The following SELENOF variants were observed in gnomAD, a reference collection of about 807,000 sequenced individuals.
The protein encoded by SELENOF is 15 kDa selenoprotein.
In SELENOF, 16 loss-of-function variants were observed where a neutral mutation model predicts 20.5. The observed-to-expected ratio is 0.78, with a 90% confidence interval of 0.53 to 1.19. The LOEUF (loss-of-function observed/expected upper bound fraction) is 1.19, where lower values mean the gene tolerates loss of function less well. Ranked by LOEUF, SELENOF falls within the 50% of genes most tolerant of loss-of-function variation. The probability of loss-of-function intolerance (pLI) is 0.00; values close to 1 mark genes in which losing one functional copy is unlikely to be tolerated. For synonymous variants in SELENOF, 78 were observed against 74.5 expected (o/e 1.05, Z -0.24); for missense variants, 215 against 194.2 (o/e 1.11, Z -0.64).
Position 86,864,527 on chromosome 1 carries a change from G to A in SELENOF, c.367-922C>T, listed in dbSNP as rs1389300254. Among the ~76,000 whole-genome samples, 4 of 152,146 alleles carry A rather than the reference G, an allele frequency of 2.6e-5. No individual in the cohort carries two copies. The East Asian group carries it at 7.7e-4, about 29-fold the overall frequency. ...TCCAAAGATGGAGACTAGCTCAGAT[G>A]TGATTATTAACACTTGGTATATTCC... On this transcript the variant is annotated intron_variant, in intron 4 of 4. Transcript: ENST00000331835.
chr1:86,905,140 A>G (rs1557471550), intron 1 of SELENOF, among the ~76,000 whole-genome samples: 1 of 152,000 alleles, frequency 6.6e-6, no homozygotes, highest in Non-Finnish European at 1.5e-5. Flanking sequence ...AGTTGCCCAG[A>G]TCAGTCATCC....
chr1:86,869,018 C>A (rs576289695), intron 3 of SELENOF, among the ~76,000 whole-genome samples: 1 of 152,170 alleles, frequency 6.6e-6, no homozygotes, highest in Admixed American at 6.5e-5. Context: ...TTCAACTTCA[C>A]ATATAATTGA....
intron 2 of SELENOF, among the ~76,000 whole-genome samples, chr1:86,892,050 C>T (rs983400789): frequency 2.0e-5 from 3 of 151,954 alleles, no homozygotes; most frequent in African/African-American, 7.3e-5. Context: ...CCTGCCTCAG[C>T]CTCTGGAGTA....
intron 3 of SELENOF, 134 bp downstream of exon 3, chr1:86,880,528 T>C (rs2390167): frequency 0.019 from 9,740 of 517,494 alleles, 829 homozygotes; most frequent in African/African-American, 0.18. Flanking sequence ...GAAAACAAAT[T>C]GAAAAAAAAG....
At chr1:86,870,592 C>A (rs1233556833) in intron 3 of SELENOF, among the ~76,000 whole-genome samples, 1 of 151,992 alleles carries the variant, frequency 6.6e-6, no homozygotes, top group Non-Finnish European at 1.5e-5. Flanking sequence ...CAGAGCTTAG[C>A]ATACTTAATA....
chr1:86,909,054 G>A (rs1659906129), intron 1 of SELENOF, among the ~76,000 whole-genome samples: 1 of 152,194 alleles, frequency 6.6e-6, no homozygotes, highest in African/African-American at 2.4e-5. Flanking sequence ...CAAAACACGA[G>A]TGCAGTCCCA....
intron 3 of SELENOF, among the ~76,000 whole-genome samples, chr1:86,878,528 A>G (rs1658980086): frequency 6.6e-6 from 1 of 152,224 alleles, no homozygotes; most frequent in Non-Finnish European, 1.5e-5. Context: ...AAAAATAAAA[A>G]TAAATTAGCT....
In SELENOF at chr1:86,903,443, A is replaced by G; in HGVS notation, c.90T>C (p.Ser30=). 6.3e-7 allele frequency: 1 copy of G among 1,598,056 alleles called. No individual in the cohort carries two copies. Among genetic ancestry groups the G allele is most frequent in the Non-Finnish European group, 8.5e-7 (1 of 1,173,722 alleles). Residue 30 remains serine, a synonymous_variant, in exon 2 of 5, where the codon TCT becomes TCC. Coordinates refer to ENST00000331835, the MANE Select transcript of SELENOF (RefSeq NM_004261.5). ...CCGATGAAAACTCTGCCCCAAAAGCAGACACCTGAAAATAAAAAATGGGAA... is the reference window on the plus strand; with the variant it reads ...CCGATGAAAACTCTGCCCCAAAAGCGGACACCTGAAAATAAAAAATGGGAA... ...LLLATVLQAV[S]AFGAEFSSEA... is the part of the protein sequence containing the mutation.
intron 4 of SELENOF, among the ~76,000 whole-genome samples, chr1:86,866,186 G>C (rs1658586288): frequency 9.9e-6 from 1 of 101,368 alleles, no homozygotes; most frequent in Admixed American, 1.5e-4. Flanking sequence ...GACAGAGTAA[G>C]ACCATGTCCA....
intron 3 of SELENOF, among the ~76,000 whole-genome samples, chr1:86,872,684 C>T (rs1658808132): frequency 6.6e-6 from 1 of 151,812 alleles, no homozygotes; most frequent in South Asian, 2.1e-4. Context: ...GCGGGCAGAT[C>T]ACCTGAGGTC....
chr1:86,873,190 G>A (rs1395397562), intron 3 of SELENOF, among the ~76,000 whole-genome samples: 2 of 152,090 alleles, frequency 1.3e-5, no homozygotes, highest in East Asian at 1.9e-4. Flanking sequence ...CTGGGAGGCA[G>A]AGGTTGCAGT....
At position 86,914,082 on chromosome 1, in the gene SELENOF, C is replaced by T. The variant is rs766538682; in HGVS notation, c.30G>A (p.Gly10=). 9 of 1,613,904 alleles carry T rather than the reference C, an allele frequency of 5.6e-6. No homozygotes were observed. In the Admixed American group the frequency reaches 6.7e-5, roughly 12 times the overall value. ...GTAGCCCAAACGCCGGCACCAGACA[C>T]CCACTCGGCCCAGCCGCCATCGCTA... is the stretch of plus-strand genomic sequence containing the variant. MVAMAAGPS[G]CLVPAFGLRL... Residue 10 remains glycine (G), a synonymous_variant, in exon 1 of 5, where the codon GGG becomes GGA. Transcript: ENST00000331835.
intron 2 of SELENOF, among the ~76,000 whole-genome samples, chr1:86,890,714 C>T (rs1484549162): frequency 6.6e-6 from 1 of 151,670 alleles, no homozygotes; most frequent in Non-Finnish European, 1.5e-5. Context: ...CCATTTTGCC[C>T]AGGCTGGTCT....
chr1:86,874,950 T>C (rs1363921345), intron 3 of SELENOF, among the ~76,000 whole-genome samples: 1 of 152,090 alleles, frequency 6.6e-6, no homozygotes, highest in Non-Finnish European at 1.5e-5. Context: ...AAACAGAAAA[T>C]TGGCTGGGCA....
chr1:86,884,884 C>A (rs145199706), intron 2 of SELENOF, among the ~76,000 whole-genome samples: 164 of 152,220 alleles, frequency 1.1e-3, no homozygotes, highest in African/African-American at 3.8e-3. Context: ...AATATGAGAA[C>A]GATACACAAA....
intron 1 of SELENOF, among the ~76,000 whole-genome samples, chr1:86,905,318 T>C (rs182462011): frequency 5.2e-4 from 79 of 152,342 alleles, no homozygotes; most frequent in Non-Finnish European, 8.5e-4. Context: ...GGAATTCCTA[T>C]AGTATCTTGA....
At chr1:86,897,762 C>T (rs1381431894) in intron 2 of SELENOF, among the ~76,000 whole-genome samples, 1 of 152,148 alleles carries the variant, frequency 6.6e-6, no homozygotes, top group East Asian at 1.9e-4. Context: ...TTTTTGAAAG[C>T]CAGTCAGTAG....
chr1:86,885,007 C>T (rs994273894), intron 2 of SELENOF, among the ~76,000 whole-genome samples: 1 of 152,194 alleles, frequency 6.6e-6, no homozygotes, highest in Non-Finnish European at 1.5e-5. Flanking sequence ...CTAACTACCT[C>T]AGCTCTATCA....
At chr1:86,904,375 C>T (rs1422621217) in intron 1 of SELENOF, among the ~76,000 whole-genome samples, 2 of 152,168 alleles carry the variant, frequency 1.3e-5, no homozygotes, top group East Asian at 3.8e-4. Flanking sequence ...GGTTACCTTA[C>T]ATAAATCGTT....
Sources: allele counts gnomAD v4.1 joint callset (sites outside exome capture counted in the v4.1 genomes callset), GRCh38; gene constraint gnomAD v4.1.1; transcripts MANE v1.5; gene names NCBI Gene and HGNC (gene_info 2026-07-23, HGNC 2026-07-21).